SULF1: variants seen among roughly 807,000 people sequenced by gnomAD.
The protein encoded by SULF1 is extracellular sulfatase Sulf-1.
A neutral mutation model predicts 110.5 loss-of-function variants in SULF1; 46 were observed. The observed-to-expected ratio is 0.42, with a 90% CI of 0.33 to 0.53. SULF1 has a LOEUF of 0.53. Ranked by LOEUF, SULF1 falls within the 20% of genes least tolerant of loss-of-function variation. The probability of loss-of-function intolerance (pLI) is 0.12; values close to 1 mark genes in which losing one functional copy is unlikely to be tolerated. For synonymous variants in SULF1, 371 were observed against 387.1 expected, an observed-to-expected ratio of 0.96 and a Z score of 0.49; for missense variants, 941 against 1,094.2, an observed-to-expected ratio of 0.86 and a Z score of 1.98.
intron 13 of SULF1, among the ~76,000 whole-genome samples, chr8:69,615,954 C>T (rs1161951803): frequency 2.0e-5 from 3 of 151,974 alleles, no homozygotes; most frequent in Non-Finnish European, 2.9e-5. Context: ...CAGGTTTTCA[C>T]TATAGTCATG....
chr8:69,585,806 C>T (rs1326054485), intron 6 of SULF1, among the ~76,000 whole-genome samples: 1 of 152,088 alleles, frequency 6.6e-6, no homozygotes. Flanking sequence ...GTGATATAAA[C>T]CCTGACCATA....
At chr8:69,521,577 T>C (rs979162551) in intron 3 of SULF1, among the ~76,000 whole-genome samples, 2 of 152,090 alleles carry the variant, frequency 1.3e-5, no homozygotes, top group African/African-American at 2.4e-5. Flanking sequence ...AAAGTGTACC[T>C]ATATATTACA....
upstream of SULF1, among the ~76,000 whole-genome samples, chr8:69,492,054 G>A (rs186224548): frequency 1.1e-4 from 17 of 152,152 alleles, no homozygotes; most frequent in Admixed American, 9.8e-4. Flanking sequence ...TAGGTGAGGC[G>A]GGAGGGCGGG....
intron 22 of SULF1, among the ~76,000 whole-genome samples, chr8:69,643,051 C>T (rs1811605323): frequency 6.6e-6 from 1 of 152,028 alleles, no homozygotes; most frequent in Non-Finnish European, 1.5e-5. Context: ...TCTAAGGATA[C>T]TGTGTAACTT....
At chr8:69,490,674 G>A (rs539840955), upstream of SULF1, among the ~76,000 whole-genome samples, 12 of 152,192 alleles carry the variant, frequency 7.9e-5, no homozygotes, top group South Asian at 2.5e-3. Context: ...AATATCTCAG[G>A]TTTCTTCCAG....
intron 1 of SULF1, among the ~76,000 whole-genome samples, chr8:69,480,672 T>G (rs1809479235): frequency 2.0e-5 from 3 of 152,308 alleles, no homozygotes; most frequent in Admixed American, 1.3e-4. Context: ...ATTATAAATG[T>G]ATTTCCTAGT....
At chr8:69,654,268 T>C (rs559428277) in intron 22 of SULF1, among the ~76,000 whole-genome samples, 6 of 152,330 alleles carry the variant, frequency 3.9e-5, no homozygotes, top group African/African-American at 9.6e-5. Context: ...GTTTTCCACC[T>C]TCGGAAGAGA....
At chr8:69,474,677 G>A (rs1809229410) in intron 1 of SULF1, among the ~76,000 whole-genome samples, 1 of 152,178 alleles carries the variant, frequency 6.6e-6, no homozygotes, top group East Asian at 1.9e-4. Context: ...GGCTTTACAT[G>A]TGTTATCACA....
intron 18 of SULF1, 95 bp from the exon 19 acceptor site, chr8:69,629,409 A>G: frequency 7.8e-7 from 1 of 1,281,532 alleles, no homozygotes; most frequent in African/African-American, 1.5e-5. Context: ...TTATCAAGGC[A>G]TCTAAATATT....
At position 69,603,647 on chromosome 8, in the gene SULF1, T is replaced by C; in HGVS notation, c.1238T>C (p.Val413Ala). The C allele has an allele frequency of 6.2e-7, 1 of 1,612,636 alleles. No homozygotes were observed. The highest frequency in any genetic ancestry group is 8.5e-7 in the Non-Finnish European group (1 of 1,178,638). Residue 413 changes from valine to alanine, a missense_variant, in exon 12 of 23, where the codon GTG (valine) becomes GCG (alanine). Around this residue, in one of 3 missense-constraint regions of SULF1, gnomAD observed 822 missense variants for 934.3 expected, o/e 0.88. Transcript: ENST00000402687. ...KAKIWRDTFL[V>A]ERGKFLRKKE... ...AAAATTTGGCGTGATACATTCCTAG[T>C]GGAAAGAGGGTAATTATTGGTTCCT...
chr8:69,545,345 T>G (rs1814180808), intron 3 of SULF1, among the ~76,000 whole-genome samples: 1 of 152,182 alleles, frequency 6.6e-6, no homozygotes, highest in Non-Finnish European at 1.5e-5. Flanking sequence ...CTAGAATGGT[T>G]GTAGAATGAG....
intron 19 of SULF1, among the ~76,000 whole-genome samples, chr8:69,636,437 T>C (rs923278759): frequency 2.6e-5 from 4 of 151,648 alleles, no homozygotes; most frequent in African/African-American, 9.7e-5. Context: ...CTTGGGAGGC[T>C]GAGGAAGGAG....
At chr8:69,533,465 C>T (rs1245853504) in intron 3 of SULF1, among the ~76,000 whole-genome samples, 1 of 152,144 alleles carries the variant, frequency 6.6e-6, no homozygotes. Context: ...CACGTGTTCT[C>T]ATTGTTCAGC....
At chr8:69,531,904 C>T (rs1361682330) in intron 3 of SULF1, among the ~76,000 whole-genome samples, 1 of 152,136 alleles carries the variant, frequency 6.6e-6, no homozygotes, top group Admixed American at 6.6e-5. Flanking sequence ...GCGGCCACCC[C>T]TCTAAGGGCG....
intron 1 of SULF1, among the ~76,000 whole-genome samples, chr8:69,482,835 C>A (rs1809562733): frequency 6.6e-6 from 1 of 152,278 alleles, no homozygotes; most frequent in Non-Finnish European, 1.5e-5. Context: ...GGTCTCCTAA[C>A]TATAATCTAT....
intron 13 of SULF1, among the ~76,000 whole-genome samples, chr8:69,614,636 T>C (rs1230071424): frequency 2.0e-5 from 3 of 152,236 alleles, no homozygotes; most frequent in Admixed American, 6.5e-5. Flanking sequence ...CAGGTGTTAT[T>C]TATATACAGG....
At chr8:69,473,467 A>C (rs1809179030) in intron 1 of SULF1, 2 of 152,224 alleles carry the variant, frequency 1.3e-5, no homozygotes, top group South Asian at 4.1e-4. Context: ...TCTAAAATAA[A>C]GTTAGAAGGC....
Position 69,653,083 on chromosome 8 carries a change from T to C in SULF1, c.2586-5422T>C, listed in dbSNP as rs563409312. Among the ~76,000 whole-genome samples, 5 of 152,324 alleles carry C rather than the reference T, an allele frequency of 3.3e-5. No homozygotes were observed. The South Asian group carries it at 1.0e-3, about 32-fold the overall frequency. On this transcript the variant is annotated intron_variant, in intron 22 of 22. Transcript: ENST00000402687. ...GCAAAGTAGTCTCTTGTTTTTATTT[T>C]TTTTTTAAGATGGGGTTTCCGTCTG...
chr8:69,620,482 A>G (rs1282991253), intron 13 of SULF1, among the ~76,000 whole-genome samples: 3 of 152,354 alleles, frequency 2.0e-5, no homozygotes, highest in African/African-American at 7.2e-5. Flanking sequence ...AAGGATAAGA[A>G]AAGACACAAA....
Sources: allele counts gnomAD v4.1 joint callset (sites outside exome capture counted in the v4.1 genomes callset), GRCh38; gene constraint gnomAD v4.1.1; regional missense constraint gnomAD v4.1.1; transcripts MANE v1.5; gene names NCBI Gene and HGNC (gene_info 2026-07-23, HGNC 2026-07-21).